The following LRRC37A2 variants were observed in gnomAD, a reference collection of about 807,000 sequenced individuals.
LRRC37A2 encodes leucine rich repeat containing 37 member A2.
Under a neutral mutation model 68.8 loss-of-function variants are expected in LRRC37A2, and 9 were observed. The observed-to-expected ratio is 0.13, with a 90% CI of 0.08 to 0.23. LRRC37A2 has a LOEUF of 0.23. LRRC37A2 is among the 10% of genes least tolerant of loss of function. LRRC37A2 has a pLI of 1.00. For synonymous variants in LRRC37A2, 63 were observed against 367.6 expected (o/e 0.17, Z 9.48); for missense variants, 168 against 950.4 (o/e 0.18, Z 10.82).
At chr17:46,498,883 G>GTA in the LRRC37A2 span, among the ~76,000 whole-genome samples, 2 of 150,788 alleles carry the variant, frequency 1.3e-5, no homozygotes, top group Admixed American at 1.3e-4. Flanking sequence ...GTAGATATAC[G>GTA]TATATATATC....
At chr17:46,831,395 G>A in the LRRC37A2 span, 15,280 of 152,334 alleles carry the variant, frequency 0.1, 805 homozygotes, top group African/African-American at 0.13. Context: ...CCTTAAGAGT[G>A]GGTTGGATGA....
At chr17:46,971,579 A>G in the LRRC37A2 span, among the ~76,000 whole-genome samples, 1 of 152,148 alleles carries the variant, frequency 6.6e-6, no homozygotes, top group South Asian at 2.1e-4. Context: ...ATGTATGTAC[A>G]TGTAGGAGCT....
chr17:46,748,151 A>G, the LRRC37A2 span, among the ~76,000 whole-genome samples: 1 of 152,136 alleles, frequency 6.6e-6, no homozygotes, highest in African/African-American at 2.4e-5. Flanking sequence ...CTTGTTGCCC[A>G]GGCTGGAGTG....
the LRRC37A2 span, among the ~76,000 whole-genome samples, chr17:46,499,175 T>TGTG: frequency 7.0e-6 from 1 of 143,282 alleles, no homozygotes; most frequent in South Asian, 2.1e-4. Flanking sequence ...ATTAGCCGGG[T>TGTG]GTGGTGGTGG....
chr17:46,533,165 C>A (rs1449001438), intron 6 of LRRC37A2, among the ~76,000 whole-genome samples: 4 of 103,984 alleles, frequency 3.8e-5, no homozygotes, highest in Non-Finnish European at 5.5e-5. Context: ...TACCTATAAT[C>A]CCTGTACTTT....
chr17:46,995,198 C>T, the LRRC37A2 span, among the ~76,000 whole-genome samples: 28 of 152,290 alleles, frequency 1.8e-4, no homozygotes, highest in Admixed American at 4.6e-4. Flanking sequence ...TTAAGCTCCA[C>T]GGTCCCTCCC....
the LRRC37A2 span, among the ~76,000 whole-genome samples, chr17:46,811,386 G>GTGAC: frequency 1.1e-3 from 164 of 152,306 alleles, no homozygotes; most frequent in African/African-American, 3.8e-3. Flanking sequence ...CGGCATTGGG[G>GTGAC]TGACTCTCTG....
At chr17:46,770,129 G>T in the LRRC37A2 span, 3 of 1,456,888 alleles carry the variant, frequency 2.1e-6, no homozygotes, top group Admixed American at 2.4e-5. Context: ...AGGCCAGGAC[G>T]TGAGGGGAAC....
the LRRC37A2 span, among the ~76,000 whole-genome samples, chr17:46,869,341 A>G: frequency 0.015 from 2,225 of 152,308 alleles, 60 homozygotes; most frequent in African/African-American, 0.051. Flanking sequence ...CCAAGGCAAC[A>G]CTGGCCATGC....
the LRRC37A2 span, chr17:46,998,957 A>G: frequency 2.0e-5 from 3 of 152,238 alleles, no homozygotes; most frequent in South Asian, 6.2e-4. Context: ...CACACACTGT[A>G]AATGCTCCAT....
At chr17:46,806,593 C>G in the LRRC37A2 span, among the ~76,000 whole-genome samples, 10 of 152,198 alleles carry the variant, frequency 6.6e-5, no homozygotes, top group Admixed American at 1.3e-4. Context: ...GTGCAGAGGT[C>G]ACAGACTCCA....
chr17:46,619,784 A>AC, the LRRC37A2 span, among the ~76,000 whole-genome samples: 3 of 88,182 alleles, frequency 3.4e-5, no homozygotes, highest in Non-Finnish European at 6.3e-5. Flanking sequence ...AAAAAAAAAA[A>AC]AAAAAAAAAA....
At chr17:46,539,462 A>G (rs1241978045) in intron 6 of LRRC37A2, among the ~76,000 whole-genome samples, 1 of 150,682 alleles carries the variant, frequency 6.6e-6, no homozygotes, top group Non-Finnish European at 1.5e-5. Context: ...TAAAAACTTT[A>G]TAAAGATAAA....
chr17:46,965,897 C>T, the LRRC37A2 span, among the ~76,000 whole-genome samples: 1 of 151,694 alleles, frequency 6.6e-6, no homozygotes, highest in Non-Finnish European at 1.5e-5. Context: ...TCCCAAAGTG[C>T]TGGGATTACA....
the LRRC37A2 span, among the ~76,000 whole-genome samples, chr17:46,497,006 A>G: frequency 7.3e-6 from 1 of 136,976 alleles, no homozygotes; most frequent in Non-Finnish European, 1.6e-5. Flanking sequence ...TTAAAATGAC[A>G]TATCTTTCTC....
At chr17:46,788,700 G>A in the LRRC37A2 span, among the ~76,000 whole-genome samples, 21 of 152,292 alleles carry the variant, frequency 1.4e-4, no homozygotes, top group East Asian at 1.2e-3. Flanking sequence ...TCGTTTCCAT[G>A]TAGAATCTAG....
chr17:46,726,092 AT>A, the LRRC37A2 span, among the ~76,000 whole-genome samples: 1 of 152,166 alleles, frequency 6.6e-6, no homozygotes, highest in African/African-American at 2.4e-5. Context: ...CTCTTTTACC[AT>A]TATGGTCTGA....
chr17:46,846,770 A>T, the LRRC37A2 span, among the ~76,000 whole-genome samples: 29,837 of 152,180 alleles, frequency 0.2, 3,596 homozygotes, highest in East Asian at 0.49. Context: ...CAATTCAAAG[A>T]GTTCTGTGAG....
At chr17:46,851,014 T>C in the LRRC37A2 span, among the ~76,000 whole-genome samples, 1 of 152,150 alleles carries the variant, frequency 6.6e-6, no homozygotes, top group African/African-American at 2.4e-5. This position sits in a 1 kb window ranked among gnomAD's most constrained non-coding sequence, Gnocchi z 4.3. Flanking sequence ...CCAAGACTCT[T>C]TGCCTGGCAA....
Sources: allele counts gnomAD v4.1 joint callset (sites outside exome capture counted in the v4.1 genomes callset), GRCh38; gene constraint gnomAD v4.1.1; non-coding constraint Gnocchi (gnomAD v3.1); transcripts MANE v1.5; gene names NCBI Gene and HGNC (gene_info 2026-07-23, HGNC 2026-07-21).